Variants in TRPM8 observed in about 807,000 individuals in gnomAD.
TRPM8 encodes the protein TRPM8 cationic channel.
TRPM8 carries 110 observed loss-of-function variants against 133.7 expected under a neutral mutation model. The observed-to-expected ratio is 0.82, with a 90% CI of 0.70 to 0.96. The LOEUF (loss-of-function observed/expected upper bound fraction) is 0.96, where lower values mean the gene tolerates loss of function less well. Among genes scored for constraint, TRPM8 ranks in the 40% least tolerant of loss-of-function variants. The pLI, the probability that TRPM8 is intolerant of heterozygous loss-of-function variation, is 0.00. For synonymous variants in TRPM8, 535 were observed against 532.3 expected (o/e 1.01, Z -0.07); for missense variants, 1,291 against 1,379.5 (o/e 0.94, Z 1.02).
intron 8 of TRPM8, among the ~76,000 whole-genome samples, chr2:233,948,982 C>T (rs542873445): frequency 7.2e-5 from 11 of 152,206 alleles, no homozygotes; most frequent in East Asian, 3.9e-4. Context: ...TGCAGTGAGC[C>T]GAGATTGCGC....
At chr2:234,008,132 T>C (rs200862986) in intron 24 of TRPM8, 29 bp downstream of exon 24, 1 of 1,583,868 alleles carries the variant, frequency 6.3e-7, no homozygotes, top group Non-Finnish European at 8.5e-7. Context: ...TTTGGATTTT[T>C]TTTTTTTTTT....
chr2:233,917,644 T>A (rs1691329549), intron 1 of TRPM8, among the ~76,000 whole-genome samples: 1 of 152,242 alleles, frequency 6.6e-6, no homozygotes, highest in Non-Finnish European at 1.5e-5. Context: ...CACTTAGATT[T>A]ATTTAGAAAT....
At chr2:234,014,844 T>G (rs2125417769) in intron 25 of TRPM8, among the ~76,000 whole-genome samples, 190 bp downstream of exon 25, 1 of 151,920 alleles carries the variant, frequency 6.6e-6, no homozygotes, top group South Asian at 2.1e-4. Flanking sequence ...CACATTACCT[T>G]CCCTACCAAT....
At chr2:233,927,576 G>A (rs549846528) in intron 2 of TRPM8, among the ~76,000 whole-genome samples, 2 of 152,222 alleles carry the variant, frequency 1.3e-5, no homozygotes, top group East Asian at 3.9e-4. Context: ...TGGGCCAAGG[G>A]TGGTGGTAGC....
At chr2:233,952,603 T>C (rs970717418) in intron 9 of TRPM8, among the ~76,000 whole-genome samples, 13 of 151,918 alleles carry the variant, frequency 8.6e-5, no homozygotes, top group African/African-American at 2.9e-4. Context: ...CCCAGGAGGC[T>C]CCCTGAGCCC....
intron 1 of TRPM8, among the ~76,000 whole-genome samples, 152 bp downstream of exon 1, chr2:233,917,584 A>G (rs374919267): frequency 2.6e-5 from 4 of 152,258 alleles, no homozygotes; most frequent in Non-Finnish European, 4.4e-5. Flanking sequence ...TAAATTCCTC[A>G]AAGTGTTGTG....
In TRPM8 at chr2:233,955,164, T is replaced by G; in HGVS notation, c.1276T>G (p.Trp426Gly). 6 of 1,614,148 alleles carry G rather than the reference T, an allele frequency of 3.7e-6. No homozygotes were observed. The highest frequency in any genetic ancestry group is 5.1e-6 in the Non-Finnish European group (6 of 1,180,018). ...FSTSEQDKDN[W>G]NGQLKLLLEW... ...CACCAGTGAGCAAGACAAGGATAACTGGAATGGGCAGCTGAAGCTTCTGCT... is the reference window on the plus strand; with the variant it reads ...CACCAGTGAGCAAGACAAGGATAACGGGAATGGGCAGCTGAAGCTTCTGCT... Residue 426 changes from tryptophan (W) to glycine (G), a missense_variant, in exon 11 of 26, where the codon TGG becomes GGG. Transcript: ENST00000324695.
At chr2:233,975,332 C>T (rs1167030971) in intron 17 of TRPM8, among the ~76,000 whole-genome samples, 6 of 152,148 alleles carry the variant, frequency 3.9e-5, no homozygotes, top group African/African-American at 7.2e-5. Flanking sequence ...AGGAGACCAG[C>T]GCTGGGGAGC....
At chr2:233,982,210 G>T (rs1692027447) in intron 19 of TRPM8, among the ~76,000 whole-genome samples, 1 of 152,192 alleles carries the variant, frequency 6.6e-6, no homozygotes, top group Non-Finnish European at 1.5e-5. Context: ...TAAGAGTGTA[G>T]GCAGGGGAGG....
At chr2:233,962,182 A>T (rs1691456018) in intron 12 of TRPM8, among the ~76,000 whole-genome samples, 1 of 152,176 alleles carries the variant, frequency 6.6e-6, no homozygotes, top group South Asian at 2.1e-4. Flanking sequence ...TGGCTGTAAC[A>T]CCTATAATCC....
At chr2:233,972,411 T>C (rs557315059) in intron 17 of TRPM8, among the ~76,000 whole-genome samples, 77 of 152,370 alleles carry the variant, frequency 5.1e-4, no homozygotes, top group Non-Finnish European at 8.2e-4. Context: ...CTTCACCCAG[T>C]GGATCCCGCA....
At chr2:234,010,021 A>G (rs1692797457) in intron 24 of TRPM8, among the ~76,000 whole-genome samples, 1 of 152,080 alleles carries the variant, frequency 6.6e-6, no homozygotes. Flanking sequence ...CCTCCTGGCA[A>G]ATTTCGTGGG....
At chr2:233,972,531 G>T (rs934799412) in intron 17 of TRPM8, among the ~76,000 whole-genome samples, 1 of 152,242 alleles carries the variant, frequency 6.6e-6, no homozygotes, top group African/African-American at 2.4e-5. Context: ...TGGCGCTCGT[G>T]GAGGAGGCTC....
chr2:233,952,195 G>A (rs938662339), intron 9 of TRPM8, among the ~76,000 whole-genome samples: 1 of 152,144 alleles, frequency 6.6e-6, no homozygotes, highest in Admixed American at 6.5e-5. Context: ...TCTGAAATAG[G>A]CACTTCAGAA....
At chr2:233,931,244 T>C (rs1309895680) in intron 3 of TRPM8, among the ~76,000 whole-genome samples, 1 of 152,124 alleles carries the variant, frequency 6.6e-6, no homozygotes, top group African/African-American at 2.4e-5. Flanking sequence ...CCTACAGGAG[T>C]TCTTCAATAA....
At chr2:233,970,060 T>A (rs1691672166) in intron 16 of TRPM8, 150 bp from the exon 17 acceptor site, 1 of 769,054 alleles carries the variant, frequency 1.3e-6, no homozygotes, top group Non-Finnish European at 2.3e-6. Context: ...AAGGATTTAA[T>A]TGGGGTTGGT....
In TRPM8 at chr2:234,014,713, T is replaced by C; in HGVS notation, c.*42+59T>C. 4.8e-6 allele frequency: 3 copies of C among 622,932 alleles called. No homozygotes were observed. In the South Asian group the frequency reaches 7.6e-5, roughly 16 times the overall value. The allele number at this position is 622,932 out of a possible 1,614,324, so 38.6% of individuals were successfully genotyped here. A position where few individuals can be genotyped will look rare whatever the true frequency, so the allele number is the denominator to read the frequency against. On this transcript the variant is annotated intron_variant, in intron 25 of 25. Coordinates refer to ENST00000324695, the MANE Select transcript of TRPM8 (RefSeq NM_024080.5). ...GAAGATTTGCATCTTTTAAGACTAA[T>C]TTAAGATCATGATTTTTTCCTCAGT...
intron 1 of TRPM8, among the ~76,000 whole-genome samples, chr2:233,921,563 G>C (rs1691408113): frequency 6.6e-6 from 1 of 152,178 alleles, no homozygotes; most frequent in Non-Finnish European, 1.5e-5. Context: ...CTGCACCTGG[G>C]ATGGGGAAAA....
At chr2:233,984,135 G>C (rs1329622405) in intron 20 of TRPM8, among the ~76,000 whole-genome samples, 2 of 152,186 alleles carry the variant, frequency 1.3e-5, no homozygotes, top group Non-Finnish European at 2.9e-5. Context: ...GGCAGGCGGG[G>C]TTCAGATCCA....
Sources: gnomAD v4.1 joint callset for allele counts (sites outside exome capture counted in the v4.1 genomes callset) on GRCh38, gnomAD v4.1.1 for gene constraint, MANE v1.5 for transcripts, NCBI Gene and HGNC (gene_info 2026-07-23, HGNC 2026-07-21) for gene names.